Variants in AFAP1 observed in about 807,000 individuals in gnomAD.
AFAP1 encodes the protein actin filament-associated protein 1.
AFAP1 carries 75 observed loss-of-function variants against 93.9 expected under a neutral mutation model. That is an observed-to-expected ratio of 0.80 (90% CI 0.66 to 0.97). The LOEUF (loss-of-function observed/expected upper bound fraction) is 0.97, where lower values mean the gene tolerates loss of function less well. Among genes scored for constraint, AFAP1 ranks in the 50% least tolerant of loss-of-function variants. The pLI, the probability that AFAP1 is intolerant of heterozygous loss-of-function variation, is 0.00. For missense variants in AFAP1, 1,201 were observed against 1,050.8 expected (o/e 1.14, Z -1.98); for synonymous variants, 517 against 430.7 (o/e 1.20, Z -2.48).
intron 4 of AFAP1, among the ~76,000 whole-genome samples, chr4:7,854,984 T>C (rs1308120338): frequency 1.3e-5 from 2 of 152,128 alleles, no homozygotes; most frequent in African/African-American, 2.4e-5. Flanking sequence ...AATCATCTAA[T>C]AGAACCTGTA....
At chr4:7,797,384 A>G (rs2149021050) in intron 10 of AFAP1, among the ~76,000 whole-genome samples, 1 of 152,314 alleles carries the variant, frequency 6.6e-6, no homozygotes, top group Middle Eastern at 3.4e-3. Context: ...AACCTTACCC[A>G]AGGGATCAAA....
At chr4:7,769,894 C>T (rs538090784) in intron 16 of AFAP1, among the ~76,000 whole-genome samples, 5 of 152,246 alleles carry the variant, frequency 3.3e-5, no homozygotes, top group African/African-American at 4.8e-5. Flanking sequence ...CCCTGGCTGC[C>T]GGGAGGGAGC....
At position 7,868,733 on chromosome 4, in the gene AFAP1, C is replaced by T. The variant is rs1433221699; in HGVS notation, c.128-14G>A. On this transcript the variant is annotated splice_polypyrimidine_tract_variant and intron_variant, in intron 2 of 17. Coordinates refer to ENST00000420658, the MANE Select transcript of AFAP1 (RefSeq NM_001134647.2). ...TCACATCAAAACCTGTAAGAATTAA[C>T]CAGAACCACAGAACTGGATGAGGAT... 6.2e-7 allele frequency: 1 copy of T among 1,611,374 alleles called. No individual in the cohort carries two copies. Among genetic ancestry groups the T allele is most frequent in the East Asian group, 2.2e-5 (1 of 44,854 alleles).
chr4:7,774,456 G>A (rs963294783), intron 15 of AFAP1: 18 of 401,882 alleles, frequency 4.5e-5, no homozygotes, highest in African/African-American at 2.9e-4. Flanking sequence ...TGTTGTCAGC[G>A]CCAGAAGCCG....
intron 6 of AFAP1, among the ~76,000 whole-genome samples, chr4:7,834,118 C>CACACACACACACACACACACAT (rs1711982836): frequency 7.1e-6 from 1 of 140,104 alleles, no homozygotes. Flanking sequence ...CACACACACA[C>CACACACACACACACACACACAT]ACACACACAC....
intron 1 of AFAP1, among the ~76,000 whole-genome samples, chr4:7,916,989 G>A (rs1720117318): frequency 6.6e-6 from 1 of 151,974 alleles, no homozygotes; most frequent in South Asian, 2.1e-4. Context: ...TATAACAACT[G>A]TTTTAAAAGT....
intron 1 of AFAP1, among the ~76,000 whole-genome samples, chr4:7,920,794 T>C (rs1408694535): frequency 1.3e-5 from 2 of 151,232 alleles, no homozygotes; most frequent in East Asian, 3.9e-4. Flanking sequence ...AAAACAGAAA[T>C]GTATATTGTT....
At chr4:7,885,310 G>T (rs1168009690) in intron 1 of AFAP1, among the ~76,000 whole-genome samples, 1 of 152,086 alleles carries the variant, frequency 6.6e-6, no homozygotes, top group Non-Finnish European at 1.5e-5. Context: ...TCTGCCCCAG[G>T]CCTCTGCACG....
intron 8 of AFAP1, among the ~76,000 whole-genome samples, chr4:7,811,441 AC>A (rs1229458694): frequency 2.6e-5 from 4 of 151,832 alleles, no homozygotes; most frequent in African/African-American, 9.7e-5. Context: ...GCACACACTC[AC>A]ACGCAGTCCC....
At chr4:7,871,914 C>A in intron 2 of AFAP1, 38 bp downstream of exon 2, 1 of 1,610,790 alleles carries the variant, frequency 6.2e-7, no homozygotes, top group Non-Finnish European at 8.5e-7. Context: ...AGCCAAGACA[C>A]TGTAAGAAGG....
intron 11 of AFAP1, among the ~76,000 whole-genome samples, chr4:7,789,531 C>T (rs1560159335): frequency 7.5e-6 from 1 of 133,996 alleles, no homozygotes. Context: ...CGCACAAGCC[C>T]CTGCTTTCCA....
chr4:7,920,891 T>A (rs780352527), intron 1 of AFAP1, among the ~76,000 whole-genome samples: 12 of 152,118 alleles, frequency 7.9e-5, no homozygotes, highest in Non-Finnish European at 1.3e-4. Context: ...CAGAAAAGGT[T>A]TATAGGCTAG....
chr4:7,787,677 G>C (rs1185673863), intron 11 of AFAP1, among the ~76,000 whole-genome samples: 4 of 152,228 alleles, frequency 2.6e-5, no homozygotes, highest in Admixed American at 2.0e-4. Context: ...TGTGGAGCCT[G>C]TGGTGAGGGA....
chr4:7,794,048 C>CT (rs1718153840), intron 10 of AFAP1, among the ~76,000 whole-genome samples: 1 of 152,190 alleles, frequency 6.6e-6, no homozygotes, highest in Admixed American at 6.5e-5. Context: ...GAATGAAACT[C>CT]TGAGGTCCTA....
chr4:7,816,411 A>C (rs1720487780), intron 7 of AFAP1, among the ~76,000 whole-genome samples: 1 of 152,208 alleles, frequency 6.6e-6, no homozygotes, highest in Non-Finnish European at 1.5e-5. Context: ...AAAAAATATT[A>C]TGATTACAAA....
intron 8 of AFAP1, among the ~76,000 whole-genome samples, chr4:7,813,532 C>T (rs1283079118): frequency 6.6e-6 from 1 of 152,190 alleles, no homozygotes; most frequent in African/African-American, 2.4e-5. Context: ...GGAGAAGAAA[C>T]AGCAAACCAG....
intron 1 of AFAP1, among the ~76,000 whole-genome samples, chr4:7,881,176 A>T (rs1299855294): frequency 4.0e-5 from 6 of 151,824 alleles, no homozygotes; most frequent in Non-Finnish European, 7.4e-5. Flanking sequence ...CAGTATGTGC[A>T]TTTTCCCAAT....
chr4:7,885,409 C>T (rs1488082898), intron 1 of AFAP1, among the ~76,000 whole-genome samples: 2 of 152,200 alleles, frequency 1.3e-5, no homozygotes, highest in East Asian at 3.9e-4. Flanking sequence ...CTTCACCTGG[C>T]TGTCTCACTG....
rs577801745 is a variant in AFAP1 at position 7,781,883 on chromosome 4, ATTTT to A, written c.1531-260_1531-257del. 2.0e-5 allele frequency among the ~76,000 whole-genome samples: 3 copies of A among 151,770 alleles called. No individual in the cohort carries two copies. The South Asian group carries it at 6.3e-4, about 32-fold the overall frequency. On this transcript the variant is annotated intron_variant, in intron 12 of 17. Coordinates refer to ENST00000420658, the MANE Select transcript of AFAP1 (RefSeq NM_001134647.2). The stretch of plus-strand genomic sequence containing the variant: ...TGACTTCTGAAGCCTTATGGAAAAA[ATTTT>A]TTTTTCCTTAAACCATTCCCAGAAC...
Sources: allele counts gnomAD v4.1 joint callset (sites outside exome capture counted in the v4.1 genomes callset), GRCh38; gene constraint gnomAD v4.1.1; transcripts MANE v1.5; gene names NCBI Gene and HGNC (gene_info 2026-07-23, HGNC 2026-07-21).